The following ARL15 variants were observed in gnomAD, a reference collection of about 807,000 sequenced individuals.
ARL15 encodes ARF like GTPase 15.
In ARL15, 19 loss-of-function variants were observed where a neutral mutation model predicts 25.2. That is an observed-to-expected ratio of 0.75 (90% CI 0.53 to 1.10). ARL15 has a LOEUF of 1.10. ARL15 is among the 50% of genes least tolerant of loss of function. The probability of loss-of-function intolerance (pLI) is 0.00; values close to 1 mark genes in which losing one functional copy is unlikely to be tolerated. For synonymous variants in ARL15, 94 were observed against 86.8 expected (o/e 1.08, Z -0.46); for missense variants, 220 against 246.0 (o/e 0.89, Z 0.71).
intron 1 of ARL15, among the ~76,000 whole-genome samples, chr5:54,307,668 T>C (rs1315999488): frequency 6.6e-6 from 1 of 152,136 alleles, no homozygotes; most frequent in Non-Finnish European, 1.5e-5. Context: ...TAAGACAAAA[T>C]AGCACCTCCA....
intron 1 of ARL15, among the ~76,000 whole-genome samples, chr5:54,273,718 G>A (rs1380346776): frequency 6.6e-6 from 1 of 152,032 alleles, no homozygotes; most frequent in African/African-American, 2.4e-5. Flanking sequence ...AGATTATACC[G>A]AGTTCAATGA....
At chr5:53,951,645 A>G (rs1355986815) in intron 4 of ARL15, 1 of 414,974 alleles carries the variant, frequency 2.4e-6, no homozygotes, top group Non-Finnish European at 4.8e-6. Flanking sequence ...CTCCTTCCCT[A>G]TATATTTTCG....
chr5:53,917,290 A>T (rs1745682044), intron 4 of ARL15, among the ~76,000 whole-genome samples: 1 of 152,222 alleles, frequency 6.6e-6, no homozygotes, highest in South Asian at 2.1e-4. Context: ...ATCATCAAAA[A>T]ATTCTCCTAG....
intron 1 of ARL15, among the ~76,000 whole-genome samples, chr5:54,197,813 T>A (rs1448077287): frequency 6.6e-6 from 1 of 152,146 alleles, no homozygotes; most frequent in African/African-American, 2.4e-5. Context: ...AGCATCATCC[T>A]GATACCAAAG....
chr5:54,083,116 G>A (rs1291802695), intron 4 of ARL15, among the ~76,000 whole-genome samples: 1 of 152,178 alleles, frequency 6.6e-6, no homozygotes, highest in Non-Finnish European at 1.5e-5. Flanking sequence ...AGTTATGTTT[G>A]ACAATGGGGC....
intron 1 of ARL15, among the ~76,000 whole-genome samples, chr5:54,250,888 A>T (rs1757220714): frequency 6.6e-6 from 1 of 152,198 alleles, no homozygotes; most frequent in South Asian, 2.1e-4. Context: ...TCTACCTGAA[A>T]CACAATTCAC....
chr5:54,305,797 C>A (rs999327638), intron 1 of ARL15, among the ~76,000 whole-genome samples: 25 of 152,210 alleles, frequency 1.6e-4, no homozygotes, highest in Non-Finnish European at 3.4e-4. Flanking sequence ...ATTTTGAGAC[C>A]TCGGTGGACC....
intron 1 of ARL15, among the ~76,000 whole-genome samples, chr5:54,268,759 GA>G: frequency 6.6e-6 from 1 of 152,250 alleles, no homozygotes. Flanking sequence ...CTGCTATAAA[GA>G]CACATGCACA....
intron 1 of ARL15, among the ~76,000 whole-genome samples, chr5:54,277,982 G>T (rs560121402): frequency 4.6e-5 from 7 of 152,142 alleles, no homozygotes; most frequent in Admixed American, 2.0e-4. Context: ...TCCTGGAGAA[G>T]GGCAAGATTC....
chr5:53,929,624 C>A (rs1204130702), intron 4 of ARL15, among the ~76,000 whole-genome samples: 1 of 152,202 alleles, frequency 6.6e-6, no homozygotes, highest in Non-Finnish European at 1.5e-5. Flanking sequence ...AAAGATAATT[C>A]TCTTATCTGA....
intron 4 of ARL15, among the ~76,000 whole-genome samples, chr5:53,911,050 C>T (rs1745446712): frequency 6.6e-6 from 1 of 152,098 alleles, no homozygotes. Context: ...TTATCTCTTT[C>T]CTTGGCATAA....
At chr5:54,110,276 T>C (rs192489998) in intron 4 of ARL15, among the ~76,000 whole-genome samples, 2 of 152,150 alleles carry the variant, frequency 1.3e-5, no homozygotes, top group African/African-American at 4.8e-5. Flanking sequence ...AATTTGACTT[T>C]CTCTTTTGAA....
chr5:54,083,030 CAG>C (rs757632858), intron 4 of ARL15, among the ~76,000 whole-genome samples: 29 of 152,122 alleles, frequency 1.9e-4, no homozygotes, highest in African/African-American at 4.8e-4. Context: ...ATAAGGGAAA[CAG>C]AAAGAAAAAT....
intron 3 of ARL15, among the ~76,000 whole-genome samples, chr5:54,140,805 A>G (rs1753754911): frequency 6.6e-6 from 1 of 152,204 alleles, no homozygotes; most frequent in Admixed American, 6.5e-5. Context: ...AGATGATTTG[A>G]AACTGCAAAG....
In ARL15 at chr5:54,303,562, A is replaced by G. The variant is rs144894082; in HGVS notation, c.48+6870T>C. ...AAACAAACAAACTGGGACTTGGGGCAGGTAGGAATGTGCCCCTGAAAGTGA... is the reference window on the plus strand; with the variant it reads ...AAACAAACAAACTGGGACTTGGGGCGGGTAGGAATGTGCCCCTGAAAGTGA... On this transcript the variant is annotated intron_variant, in intron 1 of 4. Coordinates refer to ENST00000504924, the MANE Select transcript of ARL15 (RefSeq NM_019087.3). Among the ~76,000 whole-genome samples, 33 of 149,432 alleles carry G rather than the reference A, an allele frequency of 2.2e-4. No individual in the cohort carries two copies. In the East Asian group the frequency reaches 6.7e-3, roughly 30 times the overall value.
In ARL15 at chr5:53,886,711, G is replaced by T. The variant is rs1383521139; in HGVS notation, c.465C>A (p.Ile155=). 3 of 1,545,124 alleles carry T rather than the reference G, an allele frequency of 1.9e-6. No homozygotes were observed. Among genetic ancestry groups the T allele is most frequent in the East Asian group, 2.4e-5 (1 of 41,436 alleles). ...GTGGTTCAAGTTCAAAATATTTTTT[G>T]ATCTTAAGAGGAAAAAATAAAGATA... is the stretch of plus-strand genomic sequence containing the variant. ...DKPAARSVQE[I]KKYFELEPLA... Residue 155 remains isoleucine, a splice_region_variant and synonymous_variant, in exon 5 of 5, where the codon ATC becomes ATA. Transcript: ENST00000504924.
At chr5:53,931,375 G>A (rs1746190866) in intron 4 of ARL15, among the ~76,000 whole-genome samples, 2 of 152,150 alleles carry the variant, frequency 1.3e-5, no homozygotes, top group Non-Finnish European at 2.9e-5. Context: ...GCAAATTACT[G>A]TCATTTTATT....
chr5:54,042,047 C>A (rs1038622543), intron 4 of ARL15, among the ~76,000 whole-genome samples: 4 of 151,798 alleles, frequency 2.6e-5, no homozygotes, highest in African/African-American at 9.7e-5. Context: ...CTCGGCTCAC[C>A]GCAACCTCTG....
intron 4 of ARL15, among the ~76,000 whole-genome samples, chr5:54,053,453 A>T (rs1750761253): frequency 1.3e-5 from 2 of 152,176 alleles, no homozygotes; most frequent in Non-Finnish European, 1.5e-5. Flanking sequence ...ATGGCTCTCT[A>T]AGTATGACCT....
Sources: gnomAD v4.1 joint callset for allele counts (sites outside exome capture counted in the v4.1 genomes callset) on GRCh38, gnomAD v4.1.1 for gene constraint, MANE v1.5 for transcripts, NCBI Gene and HGNC (gene_info 2026-07-23, HGNC 2026-07-21) for gene names.